The following MED4 variants were observed in gnomAD, a reference collection of about 807,000 sequenced individuals.
MED4 encodes the protein mediator complex subunit 4.
Under a neutral mutation model 35.0 loss-of-function variants are expected in MED4, and 21 were observed. The observed-to-expected ratio is 0.60, with a 90% confidence interval of 0.43 to 0.86. MED4 has a LOEUF of 0.86. MED4 is among the 40% of genes least tolerant of loss of function. The pLI, the probability that MED4 is intolerant of heterozygous loss-of-function variation, is 0.00. For synonymous variants in MED4, 138 were observed against 114.0 expected (o/e 1.21, Z -1.34); for missense variants, 300 against 319.4 (o/e 0.94, Z 0.46).
intron 2 of MED4, among the ~76,000 whole-genome samples, chr13:48,089,208 C>T (rs533650647): frequency 6.6e-6 from 1 of 152,230 alleles, no homozygotes; most frequent in South Asian, 2.1e-4. Flanking sequence ...AAAACAAAAA[C>T]CTTACTACCC....
At chr13:48,094,381 G>A (rs1200201498) in intron 1 of MED4, among the ~76,000 whole-genome samples, 2 of 152,160 alleles carry the variant, frequency 1.3e-5, no homozygotes, top group Non-Finnish European at 2.9e-5. Flanking sequence ...TCCTATCTCT[G>A]ACACACAACC....
At chr13:48,080,100 ATACAGAAGTCATCTGGCCAGG>A in intron 5 of MED4, 125 bp from the exon 6 acceptor site, 2 of 1,109,698 alleles carry the variant, frequency 1.8e-6, no homozygotes, top group Non-Finnish European at 2.5e-6. Context: ...CAATTTTGAA[ATACAGAAGTCATCTGGCCAGG>A]TGCAGTGGCT....
intron 2 of MED4, among the ~76,000 whole-genome samples, chr13:48,089,699 G>A (rs1478162402): frequency 6.6e-6 from 1 of 152,156 alleles, no homozygotes; most frequent in Non-Finnish European, 1.5e-5. Flanking sequence ...GCAGTGAGCA[G>A]TCATCATGCC....
At chr13:48,087,780 G>A (rs561689975) in intron 2 of MED4, among the ~76,000 whole-genome samples, 1 of 152,178 alleles carries the variant, frequency 6.6e-6, no homozygotes, top group Admixed American at 6.5e-5. Context: ...AACCCAGGAG[G>A]CGGAGGTTGC....
chr13:48,080,651 T>C (rs1016247848), intron 5 of MED4, among the ~76,000 whole-genome samples: 1 of 151,960 alleles, frequency 6.6e-6, no homozygotes, highest in Non-Finnish European at 1.5e-5. Context: ...AAAATGACAA[T>C]GATTATGCTG....
chr13:48,088,775 A>G (rs1202329010), intron 2 of MED4, among the ~76,000 whole-genome samples: 2 of 152,236 alleles, frequency 1.3e-5, no homozygotes, highest in Non-Finnish European at 2.9e-5. Context: ...GGTTGAACTG[A>G]ACATCGTTAA....
chr13:48,087,321 G>A (rs146597330), intron 2 of MED4, among the ~76,000 whole-genome samples: 1,879 of 152,098 alleles, frequency 0.012, 46 homozygotes, highest in African/African-American at 0.043. Flanking sequence ...CTGAGATCGC[G>A]CCATTGCACT....
At chr13:48,091,585 A>G (rs1464827592) in intron 1 of MED4, among the ~76,000 whole-genome samples, 2 of 152,186 alleles carry the variant, frequency 1.3e-5, no homozygotes, top group Non-Finnish European at 2.9e-5. Flanking sequence ...GAATTAATCA[A>G]TGAATGAAAA....
chr13:48,086,432 G>T lies in MED4; in HGVS notation c.213C>A (p.His71Gln). ...TTAGTTCTTGAAATTCCCCATCTCG[G>T]TGAATTAACAACTCCAGGACCTGTC... ...EENQVLELLI[H>Q]RDGEFQELMK... The change falls in exon 3 of 7, where the codon CAC (histidine) becomes CAA (glutamine). Residue 71 changes from histidine (H) to glutamine (Q), a missense_variant. Transcript: ENST00000258648. 6.2e-7 allele frequency: 1 copy of T among 1,613,318 alleles called. No homozygotes were observed. Among genetic ancestry groups the T allele is most frequent in the Non-Finnish European group, 8.5e-7 (1 of 1,179,838 alleles).
chr13:48,091,643 A>T (rs1950890763), intron 1 of MED4, among the ~76,000 whole-genome samples: 1 of 152,210 alleles, frequency 6.6e-6, no homozygotes, highest in Non-Finnish European at 1.5e-5. Flanking sequence ...TAATTCATCA[A>T]ATATTTATTG....
Position 48,095,072 on chromosome 13 carries a change from C to T in MED4, c.7G>A (p.Ala3Thr). Reference protein sequence around the residue: MAASSSGEKEKER... With the variant: MATSSSGEKEKER... ...TTCTCCTTCTCACCACTCGAAGACG[C>T]AGCCATTTTCCCCAGAGTCCCGCCA... The change falls in exon 1 of 7, where the codon GCG (alanine) becomes ACG (threonine). Residue 3 changes from alanine to threonine, a missense_variant. Ala to Thr is a moderately conservative substitution (Grantham distance 58, BLOSUM62 0). Transcript: ENST00000258648. 1 of 1,603,626 alleles carries T rather than the reference C, an allele frequency of 6.2e-7. No homozygotes were observed. The highest frequency in any genetic ancestry group is 8.5e-7 in the Non-Finnish European group (1 of 1,179,866).
intron 1 of MED4, among the ~76,000 whole-genome samples, chr13:48,092,203 G>C (rs1335580452): frequency 6.6e-6 from 1 of 152,192 alleles, no homozygotes; most frequent in African/African-American, 2.4e-5. Flanking sequence ...CACCTCCCGG[G>C]TTCAAAGAAT....
intron 1 of MED4, among the ~76,000 whole-genome samples, chr13:48,091,219 AAAT>A (rs1489509640): frequency 6.6e-6 from 1 of 152,232 alleles, no homozygotes; most frequent in African/African-American, 2.4e-5. Context: ...ACACATAATA[AAAT>A]GATATCCTTT....
rs886573500 is a variant in MED4, at chr13:48,081,401, A to T, written c.508+244T>A. Among the ~76,000 whole-genome samples, 88 of 152,236 alleles carry T rather than the reference A, an allele frequency of 5.8e-4. 1 individual carries two copies. The highest frequency in any genetic ancestry group is 3.2e-4 in the Non-Finnish European group (22 of 68,048). ...CACATTATTATCTCGTACTTTAAAA[A>T]ATTATCAATTTATTATTTCAAAAGA... On this transcript the variant is annotated intron_variant, in intron 5 of 6. Coordinates refer to ENST00000258648, the MANE Select transcript of MED4 (RefSeq NM_014166.4).
chr13:48,090,264 T>A, intron 2 of MED4, 88 bp downstream of exon 2: 1 of 1,017,786 alleles, frequency 9.8e-7, no homozygotes, highest in Non-Finnish European at 1.5e-6. Context: ...ACAAAGTAAA[T>A]ATAAAGAGGA....
In MED4 at chr13:48,094,934, T is replaced by A. The variant is rs183932309; in HGVS notation, c.125+20A>T. The A allele has an allele frequency of 1.9e-4, 310 of 1,599,028 alleles. No homozygotes were observed. The Middle Eastern group carries it at 6.3e-3, about 33-fold the overall frequency. ...TCCCCCGGCCCAGCTCCAGCCCGGC[T>A]CTCAGGCTCGCCGCATTACCTAGAC... On this transcript the variant is annotated intron_variant, in intron 1 of 6. Coordinates refer to ENST00000258648, the MANE Select transcript of MED4 (RefSeq NM_014166.4).
In MED4 at chr13:48,076,506, T is replaced by C. The variant is rs949497340; in HGVS notation, c.*633A>G. On this transcript the variant is annotated 3_prime_UTR_variant, in exon 7 of 7. Coordinates refer to ENST00000258648, the MANE Select transcript of MED4 (RefSeq NM_014166.4). ...AATTCAGTTAGTCACTCAAGTATTA[T>C]AAAATGCAACTGGATTTACAGAAAT... The C allele has an allele frequency of 1.3e-5, 2 of 152,148 alleles. No individual in the cohort carries two copies. Among genetic ancestry groups the C allele is most frequent in the Admixed American group, 1.3e-4 (2 of 15,270 alleles). 9.4% of individuals were successfully genotyped at this position (152,148 alleles called of 1,614,324 possible).
At chr13:48,094,840 C>A in intron 1 of MED4, 114 bp downstream of exon 1, 1 of 1,466,832 alleles carries the variant, frequency 6.8e-7, no homozygotes, top group Non-Finnish European at 9.1e-7. Context: ...CCCGAAACTC[C>A]CGAGCTGGCC....
In MED4 at chr13:48,077,303, C is replaced by A; in HGVS notation, c.649G>T (p.Ala217Ser). Reference sequence around the variant, plus strand: ...TTTGACTGCCATGGATACTGTGGAGCAAGGACATCTGGAGAAAAAAAGAAG... The same window carrying A: ...TTTGACTGCCATGGATACTGTGGAGAAAGGACATCTGGAGAAAAAAAGAAG... ...LAAGRLPDVL[A>S]PQYPWQSNDM... The change falls in exon 7 of 7, where the codon GCT becomes TCT. Residue 217 changes from alanine (A) to serine (S), a missense_variant. Ala to Ser is a moderately conservative substitution (Grantham distance 99, BLOSUM62 1). Coordinates refer to ENST00000258648, the MANE Select transcript of MED4 (RefSeq NM_014166.4). 1 of 1,483,948 alleles carries A rather than the reference C, an allele frequency of 6.7e-7. No homozygotes were observed. Among genetic ancestry groups the A allele is most frequent in the South Asian group, 1.4e-5 (1 of 70,240 alleles). The allele number at this position is 1,483,948 out of a possible 1,614,324, so 91.9% of individuals were successfully genotyped here. A position where few individuals can be genotyped will look rare whatever the true frequency, so the allele number is the denominator to read the frequency against.
Sources: allele counts gnomAD v4.1 joint callset (sites outside exome capture counted in the v4.1 genomes callset), GRCh38; gene constraint gnomAD v4.1.1; transcripts MANE v1.5; gene names NCBI Gene and HGNC (gene_info 2026-07-23, HGNC 2026-07-21).